Variants in CDH8 observed in about 807,000 individuals in gnomAD.
CDH8 encodes cadherin 8.
Under a neutral mutation model 68.1 loss-of-function variants are expected in CDH8, and 17 were observed. The ratio of observed to expected loss-of-function variants is 0.25; its 90% CI spans 0.17 to 0.37. The LOEUF is 0.37. Among genes scored for constraint, CDH8 ranks in the 10% least tolerant of loss-of-function variants. The pLI, the probability that CDH8 is intolerant of heterozygous loss-of-function variation, is 1.00. For missense variants in CDH8, 763 were observed against 999.3 expected (o/e 0.76, Z 3.19); for synonymous variants, 372 against 365.1 (o/e 1.02, Z -0.21).
At chr16:61,691,815 G>A (rs972696975) in intron 10 of CDH8, 4 of 151,998 alleles carry the variant, frequency 2.6e-5, no homozygotes, top group East Asian at 1.9e-4. Flanking sequence ...AATAATGCAC[G>A]ACTTTTATGT....
intron 10 of CDH8, among the ~76,000 whole-genome samples, chr16:61,690,775 T>A (rs908743916): frequency 6.6e-6 from 1 of 152,170 alleles, no homozygotes; most frequent in African/African-American, 2.4e-5. Context: ...TTTATATAAC[T>A]CATAATTGAA....
At chr16:61,961,070 C>G (rs1965145741) in intron 2 of CDH8, among the ~76,000 whole-genome samples, 1 of 152,102 alleles carries the variant, frequency 6.6e-6, no homozygotes, top group African/African-American at 2.4e-5. Flanking sequence ...AATTCCAGCA[C>G]TTTAGGAAGC....
intron 7 of CDH8, among the ~76,000 whole-genome samples, chr16:61,792,386 T>A (rs1961397702): frequency 6.6e-6 from 1 of 152,002 alleles, no homozygotes; most frequent in African/African-American, 2.4e-5. Context: ...TTTGGAAAAC[T>A]CCTGCTGCTT....
At chr16:61,971,652 C>A (rs990114751) in intron 2 of CDH8, among the ~76,000 whole-genome samples, 4 of 152,104 alleles carry the variant, frequency 2.6e-5, no homozygotes, top group African/African-American at 9.7e-5. Context: ...AATCACTGGC[C>A]GTTGGTGATC....
intron 4 of CDH8, among the ~76,000 whole-genome samples, chr16:61,850,767 T>C (rs1962922462): frequency 6.6e-6 from 1 of 152,018 alleles, no homozygotes; most frequent in African/African-American, 2.4e-5. Flanking sequence ...TTTCAGGACA[T>C]ATTCTCTGTT....
At chr16:61,991,529 TAAAAC>T (rs548185407) in intron 2 of CDH8, among the ~76,000 whole-genome samples, 10 of 152,308 alleles carry the variant, frequency 6.6e-5, no homozygotes, top group East Asian at 1.9e-4. Context: ...ACATACTACT[TAAAAC>T]AAAATTTGGA....
At chr16:61,798,633 C>CA (rs1961550871) in intron 7 of CDH8, among the ~76,000 whole-genome samples, 1 of 152,026 alleles carries the variant, frequency 6.6e-6, no homozygotes, top group Non-Finnish European at 1.5e-5. Context: ...GTGTGGAGAT[C>CA]AAAGGATAAG....
At position 61,857,213 on chromosome 16, in the gene CDH8, C is replaced by T. The variant is rs150771208; in HGVS notation, c.573G>A (p.Ala191=). 5.7e-4 allele frequency: 919 copies of T among 1,612,450 alleles called. 1 individual carries two copies. The highest frequency in any genetic ancestry group is 7.2e-4 in the Non-Finnish European group (847 of 1,178,800). The change falls in exon 4 of 12, where the codon GCG becomes GCA. Residue 191 remains alanine, a synonymous_variant. Coordinates refer to ENST00000577390, the MANE Select transcript of CDH8 (RefSeq NM_001796.5). ...ILGTSVTNVT[A]TDADDPVYGN... ...CATAAACTGGGTCATCAGCGTCGGT[C>T]GCAGTGACGTTAGTGACAGATGTAC...
chr16:61,927,384 A>AAC (rs202127839), intron 2 of CDH8, among the ~76,000 whole-genome samples: 1 of 151,952 alleles, frequency 6.6e-6, no homozygotes. Context: ...TCTTACACTA[A>AAC]ACACACACAC....
chr16:62,028,059 C>A (rs1902236032), intron 1 of CDH8, among the ~76,000 whole-genome samples: 2 of 148,334 alleles, frequency 1.3e-5, no homozygotes, highest in Admixed American at 6.8e-5. Context: ...TCTGTCAAAT[C>A]CATTTTTTTT....
chr16:61,672,726 T>A (rs1963822741), intron 10 of CDH8, among the ~76,000 whole-genome samples: 1 of 152,020 alleles, frequency 6.6e-6, no homozygotes, highest in Non-Finnish European at 1.5e-5. Context: ...ATAGTTGATA[T>A]ATAAAGTAAA....
intron 9 of CDH8, among the ~76,000 whole-genome samples, chr16:61,721,656 A>G (rs1959218715): frequency 3.2e-5 from 2 of 62,546 alleles, no homozygotes; most frequent in East Asian, 4.5e-4. Context: ...TTTTCTTTTG[A>G]AAAAAAATGT....
intron 5 of CDH8, among the ~76,000 whole-genome samples, chr16:61,821,673 A>G (rs1962218267): frequency 6.6e-6 from 1 of 152,046 alleles, no homozygotes; most frequent in South Asian, 2.1e-4. Context: ...TCTTGTTGCT[A>G]AAGTCCTCAT....
intron 3 of CDH8, among the ~76,000 whole-genome samples, chr16:61,896,283 G>GCTGC (rs1191966391): frequency 1.3e-5 from 2 of 152,204 alleles, no homozygotes; most frequent in Non-Finnish European, 2.9e-5. Context: ...AAATAATTTG[G>GCTGC]CTGCCATTTG....
chr16:61,670,611 T>C (rs1054030496), intron 10 of CDH8, among the ~76,000 whole-genome samples: 1 of 152,054 alleles, frequency 6.6e-6, no homozygotes, highest in South Asian at 2.1e-4. Context: ...CATAAATACA[T>C]AGAATTATTA....
intron 7 of CDH8, among the ~76,000 whole-genome samples, chr16:61,792,475 T>G (rs1377387840): frequency 6.6e-6 from 1 of 151,988 alleles, no homozygotes; most frequent in African/African-American, 2.4e-5. Flanking sequence ...AGCACAAAAA[T>G]TCTGACTCAA....
intron 8 of CDH8, among the ~76,000 whole-genome samples, chr16:61,778,491 T>A (rs577119769): frequency 6.6e-6 from 1 of 152,208 alleles, no homozygotes; most frequent in Non-Finnish European, 1.5e-5. Context: ...CCAAATATTT[T>A]GTTGTGGGAA....
At chr16:61,849,324 A>C (rs1205105979) in intron 4 of CDH8, among the ~76,000 whole-genome samples, 1 of 151,998 alleles carries the variant, frequency 6.6e-6, no homozygotes, top group Non-Finnish European at 1.5e-5. Context: ...ATTAAAAGAA[A>C]AAAAAAAAGG....
At chr16:61,808,284 C>T (rs1961848949) in intron 7 of CDH8, among the ~76,000 whole-genome samples, 1 of 152,046 alleles carries the variant, frequency 6.6e-6, no homozygotes, top group Non-Finnish European at 1.5e-5. Flanking sequence ...AGGCAGTCAA[C>T]AGCCTCAATT....
Sources: allele counts gnomAD v4.1 joint callset (sites outside exome capture counted in the v4.1 genomes callset), GRCh38; gene constraint gnomAD v4.1.1; transcripts MANE v1.5; gene names NCBI Gene and HGNC (gene_info 2026-07-23, HGNC 2026-07-21).